PCDHGB2: variants seen among roughly 807,000 people sequenced by gnomAD.
The protein encoded by PCDHGB2 is protocadherin gamma-B2.
In PCDHGB2, 55 loss-of-function variants were observed where a neutral mutation model predicts 59.3. The observed-to-expected ratio is 0.93, with a 90% CI of 0.75 to 1.16. The LOEUF is 1.16. PCDHGB2 is among the 50% of genes most tolerant of loss of function. PCDHGB2 has a pLI of 0.00. For synonymous variants in PCDHGB2, 516 were observed against 512.0 expected (o/e 1.01, Z -0.11); for missense variants, 1,228 against 1,198.5 (o/e 1.02, Z -0.36).
At chr5:141,385,253 G>A (rs1234375073) in intron 1 of PCDHGB2, 1 of 1,613,650 alleles carries the variant, frequency 6.2e-7, no homozygotes, top group Non-Finnish European at 8.5e-7. Flanking sequence ...CAGGAGAGCT[G>A]TGAGAAAAAT....
Position 141,370,856 on chromosome 5 carries a change from G to A in PCDHGB2, c.2421+8300G>A, listed in dbSNP as rs752174657. On this transcript the variant is annotated intron_variant, in intron 1 of 3. Coordinates refer to ENST00000522605, the MANE Select transcript of PCDHGB2 (RefSeq NM_018923.3). ...CTCTCACTGGAGCCACATTTGCCCT[G>A]GAATCTGCGCAAGATCCTGATGTAG... The A allele has an allele frequency of 1.9e-6, 3 of 1,613,928 alleles. No homozygotes were observed. The East Asian group carries it at 6.7e-5, about 36-fold the overall frequency.
At chr5:141,435,214 A>C (rs1314928643) in intron 1 of PCDHGB2, among the ~76,000 whole-genome samples, 1 of 152,176 alleles carries the variant, frequency 6.6e-6, no homozygotes, top group Non-Finnish European at 1.5e-5. Flanking sequence ...AAGTGAATTT[A>C]CTTTCTTTCA....
intron 1 of PCDHGB2, chr5:141,366,760 T>C (rs1041895625): frequency 1.9e-6 from 3 of 1,605,346 alleles, no homozygotes; most frequent in African/African-American, 2.7e-5. Context: ...AGGTTAGTTT[T>C]CTCTTTCGGT....
At chr5:141,492,244 C>T (rs1334647731) in intron 1 of PCDHGB2, among the ~76,000 whole-genome samples, 1 of 152,198 alleles carries the variant, frequency 6.6e-6, no homozygotes, top group Admixed American at 6.5e-5. Flanking sequence ...TGGCCACCCC[C>T]ACGGCCCACA....
Position 141,490,909 on chromosome 5 carries a change from G to T in PCDHGB2, c.2422-3898G>T. 4 of 1,613,744 alleles carry T rather than the reference G, an allele frequency of 2.5e-6. No individual in the cohort carries two copies. Among genetic ancestry groups the T allele is most frequent in the Non-Finnish European group, 3.4e-6 (4 of 1,179,762 alleles). ...ATCTCTGCATGTGTTTGTCCTAGAC[G>T]AGAATGATAATGCCCCAGCTGTGCT... On this transcript the variant is annotated intron_variant, in intron 1 of 3. Transcript: ENST00000522605. The surrounding 1 kb of genome is among the most constrained non-coding windows in gnomAD (Gnocchi z 5.4).
At chr5:141,455,690 C>T (rs1209152869) in intron 1 of PCDHGB2, among the ~76,000 whole-genome samples, 1 of 152,064 alleles carries the variant, frequency 6.6e-6, no homozygotes, top group Non-Finnish European at 1.5e-5. Context: ...CTGTGGGAAT[C>T]GCCAAGTTGA....
At chr5:141,419,443 C>A in intron 1 of PCDHGB2, 1 of 1,613,080 alleles carries the variant, frequency 6.2e-7, no homozygotes, top group Non-Finnish European at 8.5e-7. Context: ...TGCGCACCTT[C>A]GAGCTCACGC....
intron 1 of PCDHGB2, chr5:141,383,842 T>C: frequency 6.2e-7 from 1 of 1,613,970 alleles, no homozygotes. Context: ...AACTGCCTTC[T>C]ATGAAATGGA....
rs554845172 is a variant in PCDHGB2 at position 141,485,584 on chromosome 5, G to A, written c.2422-9223G>A. Reference sequence around the variant, plus strand: ...ACGCCCCCCGTTTTCCGCGGCAGCAGCTGGACTTGGAAATTGGGGAGGCAG... The same window carrying A: ...ACGCCCCCCGTTTTCCGCGGCAGCAACTGGACTTGGAAATTGGGGAGGCAG... On this transcript the variant is annotated intron_variant, in intron 1 of 3. Transcript: ENST00000522605. The surrounding 1 kb of genome is among the most constrained non-coding windows in gnomAD (Gnocchi z 5.7). The A allele has an allele frequency of 2.9e-5, 46 of 1,612,498 alleles. 1 individual carries two copies. The South Asian group carries it at 4.5e-4, about 16-fold the overall frequency.
chr5:141,375,006 A>G (rs774947515), intron 1 of PCDHGB2: 25 of 1,613,884 alleles, frequency 1.5e-5, no homozygotes, highest in Non-Finnish European at 1.8e-5. Context: ...GCAAATCTAG[A>G]CTATGAGGAC....
chr5:141,407,505 T>TTTTTTTTTTTTTTTTTTTTTTTTTTTTTG (rs1460306566), intron 1 of PCDHGB2, among the ~76,000 whole-genome samples: 2 of 152,144 alleles, frequency 1.3e-5, no homozygotes, highest in Non-Finnish European at 1.5e-5. Context: ...CTGTTTTTCT[T>TTTTTTTTTTTTTTTTTTTTTTTTTTTTTG]AGGCTATGTA....
At chr5:141,421,213 G>C (rs916345810) in intron 1 of PCDHGB2, 3 of 1,548,472 alleles carry the variant, frequency 1.9e-6, no homozygotes, top group Admixed American at 4.1e-5. Context: ...GCGGAATATC[G>C]GCTTAGAGCC....
rs746309479 is a variant in PCDHGB2, at chr5:141,389,523, C to T, written c.2421+26967C>T. 36 of 1,613,164 alleles carry T rather than the reference C, an allele frequency of 2.2e-5. No homozygotes were observed. Among genetic ancestry groups the T allele is most frequent in the East Asian group, 4.5e-5 (2 of 44,878 alleles). On this transcript the variant is annotated intron_variant, in intron 1 of 3. Coordinates refer to ENST00000522605, the MANE Select transcript of PCDHGB2 (RefSeq NM_018923.3). ...AGCGCTCAGCGCGAACGTGAGCCTG[C>T]GCGTGTTAGTGGACGACCGCAACGA...
intron 2 of PCDHGB2, among the ~76,000 whole-genome samples, chr5:141,495,587 C>T (rs1391263118): frequency 6.6e-6 from 1 of 152,238 alleles, no homozygotes. Context: ...TTCTCCATCT[C>T]TGTCTTAGCT....
intron 1 of PCDHGB2, among the ~76,000 whole-genome samples, chr5:141,461,054 T>C (rs984461416): frequency 6.6e-6 from 1 of 151,758 alleles, no homozygotes; most frequent in African/African-American, 2.4e-5. Context: ...GGGACTTAGG[T>C]TGGTTTCACA....
chr5:141,390,781 G>C (rs527538379), intron 1 of PCDHGB2: 97 of 165,826 alleles, frequency 5.8e-4, no homozygotes, highest in Non-Finnish European at 1.1e-3. Flanking sequence ...CTTCCCTTTT[G>C]TTTCAAAAGC....
chr5:141,415,755 T>C (rs753465209), intron 1 of PCDHGB2: 19 of 1,387,632 alleles, frequency 1.4e-5, no homozygotes, highest in Middle Eastern at 2.6e-4. Flanking sequence ...TTTTTTTTTT[T>C]TTTTTTTTTT....
Position 141,486,429 on chromosome 5 carries a change from C to G in PCDHGB2, c.2422-8378C>G, listed in dbSNP as rs2099629385. On this transcript the variant is annotated intron_variant, in intron 1 of 3. Transcript: ENST00000522605. The surrounding 1 kb of genome is among the most constrained non-coding windows in gnomAD (Gnocchi z 5.0). ...GGACCCTTGGATCGAGAGGCCAAAT[C>G]TAGCTATGACATCATGGTCACTGCT... 1.1e-5 allele frequency: 17 copies of G among 1,614,192 alleles called. No homozygotes were observed. Among genetic ancestry groups the G allele is most frequent in the Non-Finnish European group, 1.4e-5 (17 of 1,180,008 alleles).
At chr5:141,430,331 T>C (rs1266364984) in intron 1 of PCDHGB2, among the ~76,000 whole-genome samples, 2 of 150,984 alleles carry the variant, frequency 1.3e-5, no homozygotes, top group Non-Finnish European at 2.9e-5. Context: ...TCATTGTTTA[T>C]AGAAACTTCC....
Sources: gnomAD v4.1 joint callset for allele counts (sites outside exome capture counted in the v4.1 genomes callset) on GRCh38, gnomAD v4.1.1 for gene constraint, Gnocchi (gnomAD v3.1) non-coding constraint, MANE v1.5 for transcripts, NCBI Gene and HGNC (gene_info 2026-07-23, HGNC 2026-07-21) for gene names.